Variants in ZNF385D observed in about 807,000 individuals in gnomAD.
ZNF385D encodes zinc finger protein 659.
ZNF385D carries 15 observed loss-of-function variants against 35.8 expected under a neutral mutation model. The observed-to-expected ratio is 0.42, with a 90% CI of 0.28 to 0.64. ZNF385D has a LOEUF of 0.64. Among genes scored for constraint, ZNF385D ranks in the 30% least tolerant of loss-of-function variants. The pLI is 0.23. For synonymous variants in ZNF385D, 212 were observed against 186.8 expected, an observed-to-expected ratio of 1.13 and a Z score of -1.10; for missense variants, 474 against 494.6, an observed-to-expected ratio of 0.96 and a Z score of 0.39.
intron 1 of ZNF385D, among the ~76,000 whole-genome samples, chr3:21,747,422 C>A (rs776487220): frequency 6.6e-6 from 1 of 152,192 alleles, no homozygotes; most frequent in Non-Finnish European, 1.5e-5. Flanking sequence ...GAACTGAAAG[C>A]TTCCTGATAT....
At chr3:21,774,701 G>C (rs17009541) in intron 3 of ZNF385D, among the ~76,000 whole-genome samples, 2,912 of 151,880 alleles carry the variant, frequency 0.019, 106 homozygotes, top group African/African-American at 0.066. Context: ...GCTGTGATGG[G>C]GTTGATGAAG....
intron 3 of ZNF385D, among the ~76,000 whole-genome samples, chr3:21,804,196 T>G (rs2072533302): frequency 1.3e-5 from 2 of 152,220 alleles, no homozygotes; most frequent in Admixed American, 6.5e-5. Context: ...AAAACATATT[T>G]TATGTGGTTG....
At chr3:21,702,469 G>A (rs1212736994) in intron 1 of ZNF385D, among the ~76,000 whole-genome samples, 3 of 152,204 alleles carry the variant, frequency 2.0e-5, no homozygotes, top group Admixed American at 6.5e-5. Flanking sequence ...GGGAGGGGCT[G>A]CTGTGAAGGT....
At chr3:21,899,211 C>T (rs1219000794) in intron 3 of ZNF385D, among the ~76,000 whole-genome samples, 5 of 151,754 alleles carry the variant, frequency 3.3e-5, no homozygotes, top group Admixed American at 3.3e-4. Context: ...GGACAGTGCC[C>T]TATGACAAAA....
chr3:22,137,536 T>G (rs1293604769), intron 3 of ZNF385D, among the ~76,000 whole-genome samples: 1 of 152,186 alleles, frequency 6.6e-6, no homozygotes, highest in African/African-American at 2.4e-5. Flanking sequence ...TCAATAAACG[T>G]AATCCAGCAT....
At chr3:21,635,848 T>C (rs13074623) in intron 2 of ZNF385D, among the ~76,000 whole-genome samples, 11,478 of 152,208 alleles carry the variant, frequency 0.075, 535 homozygotes, top group East Asian at 0.17. Context: ...CTTAGGATAA[T>C]AGTCTCCAGT....
At chr3:21,442,931 A>G (rs553264914) in intron 4 of ZNF385D, among the ~76,000 whole-genome samples, 3 of 148,230 alleles carry the variant, frequency 2.0e-5, no homozygotes, top group Non-Finnish European at 3.0e-5. Flanking sequence ...AGGTTGGAAG[A>G]TATCACAACT....
intron 2 of ZNF385D, among the ~76,000 whole-genome samples, chr3:22,268,621 A>C (rs1701016327): frequency 6.6e-6 from 1 of 152,102 alleles, no homozygotes; most frequent in Non-Finnish European, 1.5e-5. Context: ...TAAATTTGGC[A>C]TGGGCCATAG....
At chr3:22,198,216 T>TACCTAGTAA (rs1271487660) in intron 2 of ZNF385D, among the ~76,000 whole-genome samples, 19 of 152,118 alleles carry the variant, frequency 1.2e-4, no homozygotes, top group Non-Finnish European at 2.6e-4. Flanking sequence ...TTGGCAGGTT[T>TACCTAGTAA]ACCTAGTAAG....
intron 3 of ZNF385D, among the ~76,000 whole-genome samples, chr3:21,999,182 A>G (rs1156953490): frequency 1.3e-5 from 2 of 152,196 alleles, no homozygotes; most frequent in Non-Finnish European, 2.9e-5. Flanking sequence ...TTTTATCAAT[A>G]AAAAGCTAAG....
intron 3 of ZNF385D, among the ~76,000 whole-genome samples, chr3:21,775,217 CTG>C (rs748388430): frequency 6.6e-6 from 1 of 151,792 alleles, no homozygotes; most frequent in Non-Finnish European, 1.5e-5. Flanking sequence ...TCTTTTGCTT[CTG>C]TGTCACTTAT....
intron 1 of ZNF385D, among the ~76,000 whole-genome samples, chr3:21,716,411 C>T (rs184496054): frequency 5.8e-4 from 89 of 152,288 alleles, no homozygotes; most frequent in Non-Finnish European, 1.1e-3. Context: ...CCATTCTCAT[C>T]TCCTGAAGCA....
intron 3 of ZNF385D, among the ~76,000 whole-genome samples, chr3:22,103,674 T>C (rs1241628264): frequency 7.4e-6 from 1 of 135,258 alleles, no homozygotes; most frequent in Non-Finnish European, 1.7e-5. Flanking sequence ...GGGTTAGTGC[T>C]TGTGGACACG....
chr3:21,681,272 A>G (rs1424139530), intron 1 of ZNF385D, among the ~76,000 whole-genome samples: 1 of 133,000 alleles, frequency 7.5e-6, no homozygotes, highest in Non-Finnish European at 1.6e-5. Flanking sequence ...TAGATTCAGA[A>G]AGCCTATGTG....
intron 3 of ZNF385D, among the ~76,000 whole-genome samples, chr3:21,779,802 G>A (rs986452350): frequency 3.3e-5 from 5 of 151,860 alleles, no homozygotes; most frequent in Non-Finnish European, 7.4e-5. Flanking sequence ...ATTAGTTGCT[G>A]AGTATGGCTT....
intron 3 of ZNF385D, among the ~76,000 whole-genome samples, chr3:21,549,681 G>A (rs1288761105): frequency 6.6e-5 from 10 of 152,264 alleles, no homozygotes; most frequent in Admixed American, 3.9e-4. Context: ...CACACAAGCC[G>A]AATGGCCCTG....
intron 1 of ZNF385D, among the ~76,000 whole-genome samples, chr3:21,722,859 G>C (rs2068599897): frequency 6.6e-6 from 1 of 152,184 alleles, no homozygotes; most frequent in Non-Finnish European, 1.5e-5. Flanking sequence ...GGATTTTTCT[G>C]TCTTCTCCTC....
intron 1 of ZNF385D, among the ~76,000 whole-genome samples, chr3:21,693,650 C>A (rs887667250): frequency 6.6e-6 from 1 of 151,964 alleles, no homozygotes; most frequent in Non-Finnish European, 1.5e-5. Flanking sequence ...AGTATATGTC[C>A]TTTGTAAAGT....
intron 1 of ZNF385D, among the ~76,000 whole-genome samples, chr3:21,738,962 T>G (rs1188978346): frequency 6.6e-6 from 1 of 152,210 alleles, no homozygotes; most frequent in Admixed American, 6.5e-5. Flanking sequence ...AATAATCGAC[T>G]GCTTGTAGCT....
Sources: gnomAD v4.1 joint callset for allele counts (sites outside exome capture counted in the v4.1 genomes callset) on GRCh38, gnomAD v4.1.1 for gene constraint, MANE v1.5 for transcripts, NCBI Gene and HGNC (gene_info 2026-07-23, HGNC 2026-07-21) for gene names.